Variants in PTPRN2 observed in about 807,000 individuals in gnomAD.
PTPRN2 encodes protein tyrosine phosphatase receptor type N2.
Under a neutral mutation model 118.8 loss-of-function variants are expected in PTPRN2, and 74 were observed. That is an observed-to-expected ratio of 0.62 (90% CI 0.52 to 0.76). The LOEUF (loss-of-function observed/expected upper bound fraction) is 0.76. Among genes scored for constraint, PTPRN2 ranks in the 30% least tolerant of loss-of-function variants. PTPRN2 has a pLI of 0.00. For synonymous variants in PTPRN2, 641 were observed against 608.0 expected (o/e 1.05, Z -0.80); for missense variants, 1,481 against 1,394.4 (o/e 1.06, Z -0.99).
At chr7:158,197,185 G>A (rs2150722460) in intron 4 of PTPRN2, among the ~76,000 whole-genome samples, 1 of 152,328 alleles carries the variant, frequency 6.6e-6, no homozygotes, top group Admixed American at 6.5e-5. Context: ...AGACTTTGCA[G>A]GTGCTGAGTG....
At chr7:157,859,808 G>GCCCCCCAGCCACTGTACACAC (rs1810072314) in intron 12 of PTPRN2, among the ~76,000 whole-genome samples, 1 of 106,220 alleles carries the variant, frequency 9.4e-6, no homozygotes, top group Non-Finnish European at 1.9e-5. Context: ...TGCAGGGAGA[G>GCCCCCCAGCCACTGTACACAC]TCCCCCAGCC....
chr7:158,245,859 T>C (rs1390863563), intron 3 of PTPRN2, among the ~76,000 whole-genome samples: 1 of 152,036 alleles, frequency 6.6e-6, no homozygotes, highest in Non-Finnish European at 1.5e-5. Context: ...GTTATCCCTA[T>C]GCTGACTCAC....
chr7:158,181,555 C>T (rs751006138), intron 5 of PTPRN2, among the ~76,000 whole-genome samples: 13 of 152,100 alleles, frequency 8.5e-5, no homozygotes, highest in Non-Finnish European at 1.8e-4. Flanking sequence ...GCTGTGAATC[C>T]ATCTGGTCCT....
At chr7:158,449,886 A>G (rs377186911) in intron 2 of PTPRN2, among the ~76,000 whole-genome samples, 3 of 152,252 alleles carry the variant, frequency 2.0e-5, no homozygotes, top group African/African-American at 4.8e-5. Flanking sequence ...AGGCAAAGCT[A>G]CAACACAAAA....
At chr7:158,441,364 G>GTAA (rs1322518347) in intron 2 of PTPRN2, among the ~76,000 whole-genome samples, 1 of 146,850 alleles carries the variant, frequency 6.8e-6, no homozygotes, top group Non-Finnish European at 1.5e-5. Context: ...GATGGTGATG[G>GTAA]CAGTGGTGGC....
chr7:158,186,134 T>A (rs1233075101), intron 5 of PTPRN2, among the ~76,000 whole-genome samples: 1 of 152,178 alleles, frequency 6.6e-6, no homozygotes, highest in African/African-American at 2.4e-5. Flanking sequence ...TCCATGCACC[T>A]CAAGAGTTTC....
intron 17 of PTPRN2, among the ~76,000 whole-genome samples, chr7:157,594,499 G>C (rs1801172614): frequency 6.6e-6 from 1 of 152,208 alleles, no homozygotes; most frequent in South Asian, 2.1e-4. Context: ...CTGCCGCATG[G>C]GTGACGCGTC....
chr7:158,320,076 G>C (rs1422984542), intron 2 of PTPRN2, among the ~76,000 whole-genome samples: 5 of 33,442 alleles, frequency 1.5e-4, no homozygotes, highest in Admixed American at 3.1e-4. Context: ...CACACACACA[G>C]CCTCCCTCAC....
At chr7:157,917,848 CAG>C (rs1255307939) in intron 11 of PTPRN2, among the ~76,000 whole-genome samples, 1 of 152,156 alleles carries the variant, frequency 6.6e-6, no homozygotes, top group African/African-American at 2.4e-5. Flanking sequence ...CTCTAGACAT[CAG>C]AGTCAGCAGG....
rs66472250 is a variant in PTPRN2, at chr7:158,406,159, GCA to G, written c.163+83574_163+83575del. ...ACACGTGGCCGCACACTGAGATCCCGCAGTGGCTCATCCATGAGACACGTGGC... is the reference window on the plus strand; with the variant it reads ...ACACGTGGCCGCACACTGAGATCCCGGTGGCTCATCCATGAGACACGTGGC... On this transcript the variant is annotated intron_variant, in intron 2 of 22. Transcript: ENST00000389418. Among the ~76,000 whole-genome samples the G allele has an allele frequency of 4.6e-4, 54 of 116,740 alleles. 2 individuals are homozygous for G. Among genetic ancestry groups the G allele is most frequent in the South Asian group, 5.8e-4 (2 of 3,438 alleles). The allele number at this position is 116,740 out of a possible 152,430, so 76.6% of individuals were successfully genotyped here. A position where few individuals can be genotyped will look rare whatever the true frequency, so the allele number is the denominator to read the frequency against.
intron 12 of PTPRN2, among the ~76,000 whole-genome samples, chr7:157,733,879 C>T (rs1402867893): frequency 3.3e-5 from 2 of 61,394 alleles, no homozygotes; most frequent in African/African-American, 7.5e-5. Context: ...TACTCTTTTC[C>T]GTCCCATGCG....
At chr7:158,532,912 C>T (rs1825362047) in intron 1 of PTPRN2, 2 of 460,520 alleles carry the variant, frequency 4.3e-6, no homozygotes, top group African/African-American at 3.9e-5. Context: ...CTCCACCACA[C>T]CTGCTCCCTC....
chr7:157,884,324 C>T (rs1367179572), intron 12 of PTPRN2, among the ~76,000 whole-genome samples: 2 of 152,170 alleles, frequency 1.3e-5, no homozygotes, highest in South Asian at 2.1e-4. Context: ...ATAGGAGAAG[C>T]TCTGAAAACA....
chr7:157,596,084 G>A lies in PTPRN2; in HGVS notation c.2419-769C>T, dbSNP rs1181698034. Among the ~76,000 whole-genome samples, 1 of 152,244 alleles carries A rather than the reference G, an allele frequency of 6.6e-6. No individual in the cohort carries two copies. Among genetic ancestry groups the A allele is most frequent in the African/African-American group, 2.4e-5 (1 of 41,472 alleles). ...TCTTGCTAGAGCCACAGGGCTGGCT[G>A]GGGTGAGGCTGAGCTCCAAGCTCTC... On this transcript the variant is annotated intron_variant, in intron 16 of 22. Transcript: ENST00000389418. The surrounding 1 kb of genome is among the most constrained non-coding windows in gnomAD (Gnocchi z 4.2).
intron 11 of PTPRN2, among the ~76,000 whole-genome samples, chr7:158,023,594 C>T (rs1319521604): frequency 6.6e-6 from 1 of 152,154 alleles, no homozygotes; most frequent in Non-Finnish European, 1.5e-5. Context: ...CTTGCGGTGT[C>T]CCCCACTGCC....
At chr7:158,078,138 T>C (rs1268649268) in intron 11 of PTPRN2, among the ~76,000 whole-genome samples, 2 of 152,202 alleles carry the variant, frequency 1.3e-5, no homozygotes, top group African/African-American at 4.8e-5. Context: ...CACGTGACGT[T>C]TGATGGGGAC....
intron 6 of PTPRN2, among the ~76,000 whole-genome samples, chr7:158,151,484 C>G (rs71544542): frequency 0.036 from 289 of 8,130 alleles, no homozygotes; most frequent in African/African-American, 0.08. Context: ...TCCTGCCTCT[C>G]CCTGCCCACA....
intron 11 of PTPRN2, among the ~76,000 whole-genome samples, chr7:157,906,853 G>A (rs1394206297): frequency 2.0e-5 from 3 of 152,122 alleles, no homozygotes; most frequent in African/African-American, 2.4e-5. Context: ...CTGGGGGCTC[G>A]CCAGGGTCTG....
chr7:158,191,237 C>T (rs1193546329), intron 5 of PTPRN2, among the ~76,000 whole-genome samples: 1 of 152,182 alleles, frequency 6.6e-6, no homozygotes, highest in Non-Finnish European at 1.5e-5. Context: ...ACATTGCTTC[C>T]CACACATATC....
Sources: gnomAD v4.1 joint callset for allele counts (sites outside exome capture counted in the v4.1 genomes callset) on GRCh38, gnomAD v4.1.1 for gene constraint, Gnocchi (gnomAD v3.1) non-coding constraint, MANE v1.5 for transcripts, NCBI Gene and HGNC (gene_info 2026-07-23, HGNC 2026-07-21) for gene names.